PPP2R5A: variants seen among roughly 807,000 people sequenced by gnomAD.
PPP2R5A encodes protein phosphatase 2 regulatory subunit B'alpha.
PPP2R5A carries 25 observed loss-of-function variants against 64.2 expected under a neutral mutation model. The observed-to-expected ratio is 0.39, with a 90% CI of 0.28 to 0.54. The LOEUF is 0.54. PPP2R5A is among the 20% of genes least tolerant of loss of function. The pLI is 0.67. For synonymous variants in PPP2R5A, 198 were observed against 201.2 expected, an observed-to-expected ratio of 0.98 and a Z score of 0.13; for missense variants, 425 against 576.3, an observed-to-expected ratio of 0.74 and a Z score of 2.69.
chr1:212,342,316 C>T, intron 4 of PPP2R5A, 36 bp downstream of exon 4: 3 of 1,594,270 alleles, frequency 1.9e-6, no homozygotes, highest in Non-Finnish European at 2.6e-6. Flanking sequence ...CTCATATATT[C>T]ATCTTAGCAA....
In PPP2R5A at chr1:212,305,266, G is replaced by C. The variant is rs537150623; in HGVS notation, c.181+18975G>C. Among the ~76,000 whole-genome samples the C allele has an allele frequency of 7.0e-4, 107 of 151,774 alleles. 2 individuals are homozygous for C. In the South Asian group the frequency reaches 0.021, roughly 30 times the overall value. Reference sequence around the variant, plus strand: ...TTAGCCAGGATGGTCTCTATCTCCTGACCTTGTGATCCTCCCAAAGTGCTG... The same window carrying C: ...TTAGCCAGGATGGTCTCTATCTCCTCACCTTGTGATCCTCCCAAAGTGCTG... On this transcript the variant is annotated intron_variant, in intron 1 of 12. Transcript: ENST00000261461.
At chr1:212,321,443 C>G (rs571840588) in intron 1 of PPP2R5A, among the ~76,000 whole-genome samples, 1 of 150,592 alleles carries the variant, frequency 6.6e-6, no homozygotes, top group South Asian at 2.1e-4. Context: ...GAGTGGCTGC[C>G]GGGCGGAGGG....
chr1:212,302,208 TTACAGGGGAAAAC>T lies in PPP2R5A; in HGVS notation c.181+15922_181+15934del. ...TTGAAACAGTACAAGCAAAACCACA[TTACAGGGGAAAAC>T]TACAAATTATCTTACTGTATTGTAT... is the stretch of plus-strand genomic sequence containing the variant. On this transcript the variant is annotated intron_variant, in intron 1 of 12. Transcript: ENST00000261461. 1.1e-5 allele frequency: 10 copies of T among 947,042 alleles called. No individual in the cohort carries two copies. In the South Asian group the frequency reaches 1.4e-4, roughly 14 times the overall value. 58.7% of individuals were successfully genotyped at this position (947,042 alleles called of 1,614,324 possible). A position where few individuals can be genotyped will look rare whatever the true frequency, so the allele number is the denominator to read the frequency against.
At chr1:212,333,301 G>A (rs778395423) in intron 2 of PPP2R5A, among the ~76,000 whole-genome samples, 196 bp from the exon 3 acceptor site, 1 of 152,176 alleles carries the variant, frequency 6.6e-6, no homozygotes, top group Non-Finnish European at 1.5e-5. Flanking sequence ...TAGGTCTGAG[G>A]AAGTCAGAGT....
At chr1:212,354,838 C>T (rs1571613509) in intron 8 of PPP2R5A, among the ~76,000 whole-genome samples, 1 of 152,086 alleles carries the variant, frequency 6.6e-6, no homozygotes, top group East Asian at 1.9e-4. Context: ...TACACAAATA[C>T]TATTGTTACA....
intron 6 of PPP2R5A, among the ~76,000 whole-genome samples, chr1:212,347,825 C>T (rs1009524818): frequency 2.0e-5 from 3 of 152,116 alleles, no homozygotes; most frequent in Admixed American, 1.3e-4. Context: ...GGATTACAGG[C>T]GTGAGCCACC....
At chr1:212,306,432 C>G (rs1442622736) in intron 1 of PPP2R5A, among the ~76,000 whole-genome samples, 1 of 152,056 alleles carries the variant, frequency 6.6e-6, no homozygotes, top group Non-Finnish European at 1.5e-5. Flanking sequence ...ATATCCCACA[C>G]TAATATCAAA....
intron 8 of PPP2R5A, among the ~76,000 whole-genome samples, chr1:212,356,312 T>C (rs1434868791): frequency 1.3e-5 from 2 of 152,194 alleles, no homozygotes; most frequent in African/African-American, 4.8e-5. Context: ...GTTTTATTTA[T>C]GTGTTTAATT....
intron 1 of PPP2R5A, among the ~76,000 whole-genome samples, chr1:212,305,939 C>T (rs1658891951): frequency 6.6e-6 from 1 of 152,124 alleles, no homozygotes; most frequent in South Asian, 2.1e-4. Flanking sequence ...GAATAACACT[C>T]AAAATCCTAA....
chr1:212,331,134 CT>C (rs1659496547), intron 2 of PPP2R5A, among the ~76,000 whole-genome samples: 1 of 147,820 alleles, frequency 6.8e-6, no homozygotes, highest in South Asian at 2.1e-4. Flanking sequence ...TGCCACTGCA[CT>C]CCAGGCTGGG....
chr1:212,301,264 GC>G (rs1350813671), intron 1 of PPP2R5A, among the ~76,000 whole-genome samples: 3 of 151,978 alleles, frequency 2.0e-5, no homozygotes, highest in Non-Finnish European at 4.4e-5. Context: ...GCCCACCTTG[GC>G]CCCCCCAAAG....
intron 1 of PPP2R5A, chr1:212,309,364 A>G: frequency 1.3e-6 from 2 of 1,518,960 alleles, no homozygotes; most frequent in Non-Finnish European, 9.1e-7. Context: ...CCGGAGTCGC[A>G]GTGTCTTGGG....
chr1:212,288,194 T>A (rs1251174050), intron 1 of PPP2R5A, among the ~76,000 whole-genome samples: 6 of 152,138 alleles, frequency 3.9e-5, no homozygotes, highest in Non-Finnish European at 8.8e-5. Flanking sequence ...TTTCGTATTC[T>A]TAGTAGAGAT....
intron 1 of PPP2R5A, among the ~76,000 whole-genome samples, chr1:212,297,126 TTTTTTTTTTTTTG>T (rs1223003940): frequency 0.073 from 987 of 13,542 alleles, 200 homozygotes; most frequent in African/African-American, 0.22. Context: ...TTTTTTTTTT[TTTTTTTTTTTTTG>T]GAGACGGAGT....
At chr1:212,292,370 T>C (rs1658615242) in intron 1 of PPP2R5A, among the ~76,000 whole-genome samples, 2 of 152,194 alleles carry the variant, frequency 1.3e-5, no homozygotes, top group African/African-American at 4.8e-5. Flanking sequence ...GAAAGCAGAG[T>C]CATTATCTGT....
At chr1:212,295,737 G>A (rs1658681720) in intron 1 of PPP2R5A, among the ~76,000 whole-genome samples, 2 of 152,138 alleles carry the variant, frequency 1.3e-5, no homozygotes, top group African/African-American at 4.8e-5. Context: ...TAGTAACAGT[G>A]GATAACTGTG....
intron 1 of PPP2R5A, among the ~76,000 whole-genome samples, chr1:212,294,061 A>G (rs1658650041): frequency 6.6e-6 from 1 of 152,224 alleles, no homozygotes; most frequent in Non-Finnish European, 1.5e-5. Context: ...CTGAAACAAG[A>G]ATTTTTAAAT....
At chr1:212,311,057 T>G (rs1659020912) in intron 1 of PPP2R5A, among the ~76,000 whole-genome samples, 1 of 152,182 alleles carries the variant, frequency 6.6e-6, no homozygotes, top group South Asian at 2.1e-4. Flanking sequence ...TCCCAAAATA[T>G]TACAGTGGAG....
At chr1:212,295,091 C>G (rs1490708697) in intron 1 of PPP2R5A, among the ~76,000 whole-genome samples, 1 of 152,160 alleles carries the variant, frequency 6.6e-6, no homozygotes, top group Non-Finnish European at 1.5e-5. Flanking sequence ...AGTGCGTAAT[C>G]TTGTTGCTAT....
Sources: allele counts gnomAD v4.1 joint callset (sites outside exome capture counted in the v4.1 genomes callset), GRCh38; gene constraint gnomAD v4.1.1; transcripts MANE v1.5; gene names NCBI Gene and HGNC (gene_info 2026-07-23, HGNC 2026-07-21).